Variants in PHGR1 observed in about 807,000 individuals in gnomAD.
PHGR1 encodes proline, histidine and glycine-rich protein 1.
Under a neutral mutation model 4.9 loss-of-function variants are expected in PHGR1, and 3 were observed. The observed-to-expected ratio is 0.61, with a 90% confidence interval of 0.28 to 1.58. The LOEUF (loss-of-function observed/expected upper bound fraction) is 1.58, where lower values mean the gene tolerates loss of function less well. Ranked by LOEUF, PHGR1 falls within the 40% of genes most tolerant of loss-of-function variation. The pLI is 0.11. For synonymous variants in PHGR1, 32 were observed against 46.1 expected, an observed-to-expected ratio of 0.69 and a Z score of 1.24; for missense variants, 81 against 118.7, an observed-to-expected ratio of 0.68 and a Z score of 1.48.
rs1419188066 is a variant in PHGR1, at chr15:40,354,352, G to A, written c.18G>A (p.Lys6=). 6.5e-7 allele frequency: 1 copy of A among 1,536,430 alleles called. No homozygotes were observed. ...TCCCTTCCTCTCCCACAGGTCCGAAGGTAGGAAAGTTCCCCCAATGGTCTC... is the reference window on the plus strand; with the variant it reads ...TCCCTTCCTCTCCCACAGGTCCGAAAGTAGGAAAGTTCCCCCAATGGTCTC... MDPGP[K]GHCHCGGHGH... The change falls in exon 3 of 4, where the codon AAG becomes AAA. Residue 6 remains lysine (K), a splice_region_variant and synonymous_variant. Transcript: ENST00000448599.
At chr15:40,353,128 T>TGG in intron 1 of PHGR1, 104 bp from the exon 2 acceptor site, 1 of 854,112 alleles carries the variant, frequency 1.2e-6, no homozygotes, top group Non-Finnish European at 1.8e-6. Flanking sequence ...TGTGTGTGTG[T>TGG]GTGTGTGTGT....
chr15:40,355,301 A>G (rs1353348699), intron 3 of PHGR1, among the ~76,000 whole-genome samples: 2 of 152,132 alleles, frequency 1.3e-5, no homozygotes, highest in East Asian at 3.9e-4. Context: ...TTTACTTTCT[A>G]TTCTTCCTGA....
At chr15:40,353,136 T>C in intron 1 of PHGR1, 96 bp from the exon 2 acceptor site, 4 of 925,622 alleles carry the variant, frequency 4.3e-6, no homozygotes, top group Non-Finnish European at 6.6e-6. Context: ...TGTGTGTGTG[T>C]GTGTGTGTGT....
At chr15:40,355,074 G>A (rs754276542) in intron 3 of PHGR1, among the ~76,000 whole-genome samples, 7 of 151,948 alleles carry the variant, frequency 4.6e-5, no homozygotes, top group Non-Finnish European at 7.4e-5. Flanking sequence ...GCATAGCCCC[G>A]CCCTGCTCCA....
chr15:40,353,153 G>C, intron 1 of PHGR1, 79 bp from the exon 2 acceptor site: 1 of 1,306,242 alleles, frequency 7.7e-7, no homozygotes, highest in Non-Finnish European at 1.1e-6. Context: ...GTGTGCGCGC[G>C]CGCGCGCATC....
chr15:40,353,485 T>TTAGGTGCTTCTAAGGG (rs748569168), intron 2 of PHGR1: 2 of 596,778 alleles, frequency 3.4e-6, no homozygotes, highest in Non-Finnish European at 5.8e-6. Context: ...CATCATGTTC[T>TTAGGTGCTTCTAAGGG]TAGGTGCTTC....
chr15:40,355,331 G>C (rs114347421), intron 3 of PHGR1, among the ~76,000 whole-genome samples: 1 of 152,068 alleles, frequency 6.6e-6, no homozygotes, highest in African/African-American at 2.4e-5. Flanking sequence ...TCTGGCATCC[G>C]CTCAGGAACA....
In PHGR1 at chr15:40,356,077, A is replaced by C; in HGVS notation, c.23A>C (p.His8Pro). The C allele has an allele frequency of 6.5e-7, 1 of 1,549,820 alleles. No homozygotes were observed. Among genetic ancestry groups the C allele is most frequent in the East Asian group, 2.4e-5 (1 of 40,886 alleles). The change falls in exon 4 of 4, where the codon CAC (histidine) becomes CCC (proline). Residue 8 changes from histidine (H) to proline (P), a missense_variant. His to Pro is a moderately conservative substitution (Grantham distance 77). Transcript: ENST00000448599. MDPGPKG[H>P]CHCGGHGHPP... ...TGTTCATTTGACTTTCCACAGGGGC[A>C]CTGCCACTGTGGGGGGCATGGCCAT...
At chr15:40,353,081 A>G (rs772135961) in intron 1 of PHGR1, among the ~76,000 whole-genome samples, 151 bp from the exon 2 acceptor site, 1 of 150,320 alleles carries the variant, frequency 6.7e-6, no homozygotes, top group Non-Finnish European at 1.5e-5. Flanking sequence ...AGCCGGAGGG[A>G]GCAGTTTTTT....
Position 40,356,186 on chromosome 15 carries a change from G to A in PHGR1, c.132G>A (p.Gly44=). Residue 44 remains glycine (G), a synonymous_variant, in exon 4 of 4, where the codon GGG becomes GGA. Coordinates refer to ENST00000448599, the MANE Select transcript of PHGR1 (RefSeq NM_001145643.2). The part of the protein sequence containing the change: ...PPPHHGPGPC[G]PPPGHGPGPC... ...CCCACCATGGTCCAGGGCCCTGCGG[G>A]CCACCCCCTGGCCATGGCCCAGGGC... The A allele has an allele frequency of 1.4e-6, 2 of 1,462,558 alleles. No individual in the cohort carries two copies. Among genetic ancestry groups the A allele is most frequent in the Non-Finnish European group, 1.8e-6 (2 of 1,099,952 alleles). 90.6% of individuals were successfully genotyped at this position (1,462,558 alleles called of 1,614,324 possible). A position where few individuals can be genotyped will look rare whatever the true frequency, so the allele number is the denominator to read the frequency against.
chr15:40,351,813 T>C (rs552052469), intron 1 of PHGR1, among the ~76,000 whole-genome samples: 52 of 152,282 alleles, frequency 3.4e-4, no homozygotes, highest in Admixed American at 1.9e-3. Flanking sequence ...CTCGGCTCAC[T>C]GCAGCCTCTG....
At chr15:40,353,110 GGTGTGTGTGTGTGTGTGTGT>G (rs57886573) in intron 1 of PHGR1, 102 bp from the exon 2 acceptor site, 44 of 565,292 alleles carry the variant, frequency 7.8e-5, no homozygotes, top group African/African-American at 5.8e-4. Context: ...TCCTTTGAAG[GGTGTGTGTGTGTGTGTGTGT>G]GTGTGTGTGT....
At chr15:40,353,150 C>A in intron 1 of PHGR1, 82 bp from the exon 2 acceptor site, 18 of 1,194,072 alleles carry the variant, frequency 1.5e-5, no homozygotes, top group Non-Finnish European at 2.1e-5. Flanking sequence ...TGTGTGTGCG[C>A]GCGCGCGCGC....
At chr15:40,353,407 G>T in intron 2 of PHGR1, 140 bp downstream of exon 2, 1 of 1,078,284 alleles carries the variant, frequency 9.3e-7, no homozygotes, top group South Asian at 1.4e-5. Context: ...GGCAGTGGTA[G>T]GGGTCCACAA....
At chr15:40,351,238 G>A (rs1159477705) in intron 1 of PHGR1, among the ~76,000 whole-genome samples, 176 bp downstream of exon 1, 1 of 152,064 alleles carries the variant, frequency 6.6e-6, no homozygotes, top group Non-Finnish European at 1.5e-5. Flanking sequence ...CCCCACTCCT[G>A]GGCTGGGCCC....
chr15:40,353,110 GGTGTGTGTGTGTGT>G (rs57886573), intron 1 of PHGR1, 108 bp from the exon 2 acceptor site: 32 of 565,254 alleles, frequency 5.7e-5, no homozygotes, highest in South Asian at 6.8e-5. Context: ...TCCTTTGAAG[GGTGTGTGTGTGTGT>G]GTGTGTGTGT....
In PHGR1 at chr15:40,354,319, C is replaced by CT. The variant is rs71132169; in HGVS notation, c.11-18dup. On this transcript the variant is annotated intron_variant, in intron 2 of 3. Coordinates refer to ENST00000448599, the MANE Select transcript of PHGR1 (RefSeq NM_001145643.2). ...CAGAACCAAATGACCAAAGCTGCTT[C>CT]TTTTTTTTCCCTTCCTCTCCCACAG... 2.6e-4 allele frequency: 403 copies of CT among 1,534,376 alleles called. 1 individual carries two copies. The highest frequency in any genetic ancestry group is 1.0e-3 in the Admixed American group (52 of 50,906).
intron 2 of PHGR1, chr15:40,353,508 C>T (rs1028970739): frequency 1.2e-4 from 62 of 526,552 alleles, no homozygotes; most frequent in African/African-American, 1.1e-3. Context: ...AGGGTAGGTG[C>T]TTCTCCCACC....
chr15:40,355,832 T>C (rs1055558754), intron 3 of PHGR1, among the ~76,000 whole-genome samples: 1 of 152,256 alleles, frequency 6.6e-6, no homozygotes, highest in Non-Finnish European at 1.5e-5. Context: ...GGGAGTCATA[T>C]CTTGGCTCAA....
Sources: allele counts gnomAD v4.1 joint callset (sites outside exome capture counted in the v4.1 genomes callset), GRCh38; gene constraint gnomAD v4.1.1; transcripts MANE v1.5; gene names NCBI Gene and HGNC (gene_info 2026-07-23, HGNC 2026-07-21).